WDR47: variants seen among roughly 807,000 people sequenced by gnomAD.
WDR47 encodes the protein WD repeat-containing protein 47.
WDR47 carries 32 observed loss-of-function variants against 97.2 expected under a neutral mutation model. That is an observed-to-expected ratio of 0.33 (90% CI 0.25 to 0.44). WDR47 has a LOEUF of 0.44. WDR47 is among the 20% of genes least tolerant of loss of function. The probability of loss-of-function intolerance (pLI) is 1.00; values close to 1 mark genes in which losing one functional copy is unlikely to be tolerated. For missense variants in WDR47, 782 were observed against 1,102.3 expected, an observed-to-expected ratio of 0.71 and a Z score of 4.11; for synonymous variants, 375 against 373.5, an observed-to-expected ratio of 1.00 and a Z score of -0.05.
Position 109,038,294 on chromosome 1 carries a change from A to G in WDR47, c.-10+3568T>C, listed in dbSNP as rs147067915. Among the ~76,000 whole-genome samples, 820 of 152,316 alleles carry G rather than the reference A, an allele frequency of 5.4e-3. 8 individuals carry two copies. The highest frequency in any genetic ancestry group is 7.1e-3 in the Non-Finnish European group (483 of 68,036). ...AGGACAATGTGTCAAAAGGACTGCT[A>G]ATGAATTGCTGCGGGAGAGCTACTG... On this transcript the variant is annotated intron_variant, in intron 1 of 14. Transcript: ENST00000369962.
intron 5 of WDR47, among the ~76,000 whole-genome samples, chr1:109,009,965 T>A (rs1239104571): frequency 6.6e-6 from 1 of 151,468 alleles, no homozygotes; most frequent in Non-Finnish European, 1.5e-5. Flanking sequence ...GCCACTGCAC[T>A]CCAGCCTGAG....
Position 109,039,131 on chromosome 1 carries a change from G to T in WDR47, c.-10+2731C>A, listed in dbSNP as rs1341619220. Among the ~76,000 whole-genome samples the T allele has an allele frequency of 2.6e-5, 4 of 152,320 alleles. No homozygotes were observed. In the East Asian group the frequency reaches 7.7e-4, roughly 29 times the overall value. The stretch of plus-strand genomic sequence containing the variant: ...CAGGAGAAGTTCAGGTGGGTAATGA[G>T]TGATGAGCATTTACTATGTATTAAC... On this transcript the variant is annotated intron_variant, in intron 1 of 14. Transcript: ENST00000369962.
chr1:109,004,837 C>G, intron 5 of WDR47, 122 bp from the exon 6 acceptor site: 4 of 1,236,672 alleles, frequency 3.2e-6, no homozygotes, highest in Non-Finnish European at 4.2e-6. Context: ...TCTCTGTAGC[C>G]CCGACTGGAG....
chr1:109,040,927 G>A (rs1224242792), intron 1 of WDR47, among the ~76,000 whole-genome samples: 1 of 151,196 alleles, frequency 6.6e-6, no homozygotes, highest in Non-Finnish European at 1.5e-5. Context: ...AACAAAGAGA[G>A]AAATAAGTAT....
chr1:109,005,966 G>T (rs1660579510), intron 5 of WDR47, among the ~76,000 whole-genome samples: 1 of 152,102 alleles, frequency 6.6e-6, no homozygotes, highest in Admixed American at 6.6e-5. Flanking sequence ...ATAGGCTGAT[G>T]AATACAAATA....
chr1:109,004,732 G>T lies in WDR47; in HGVS notation c.1131-17C>A. 1 of 1,563,880 alleles carries T rather than the reference G, an allele frequency of 6.4e-7. No homozygotes were observed. Among genetic ancestry groups the T allele is most frequent in the Non-Finnish European group, 8.6e-7 (1 of 1,159,976 alleles). ...GGTGTATCACTTCTTCCAGAAACGT[G>T]CAAAAAAACAAAAAGGCAGAGGGGG... is the stretch of plus-strand genomic sequence containing the variant. On this transcript the variant is annotated splice_polypyrimidine_tract_variant and intron_variant, in intron 5 of 14. Transcript: ENST00000369962.
intron 10 of WDR47, among the ~76,000 whole-genome samples, chr1:108,983,748 CAAA>C (rs1050288796): frequency 1.4e-5 from 2 of 144,576 alleles, no homozygotes; most frequent in African/African-American, 5.1e-5. Flanking sequence ...AACTCAGAAA[CAAA>C]AAAAATTAAA....
Position 108,986,609 on chromosome 1 carries a change from A to G in WDR47, c.1839T>C (p.Ala613=). ...LEDTQAVRAV[A]FHPAGGLYAV... Reference sequence around the variant, plus strand: ...CATATAAACCTCCAGCTGGATGAAAAGCCACTGCTCTAACAGCTTGTGTGT... The same window carrying G: ...CATATAAACCTCCAGCTGGATGAAAGGCCACTGCTCTAACAGCTTGTGTGT... Residue 613 remains alanine (A), a synonymous_variant, in exon 10 of 15, where the codon GCT becomes GCC. Transcript: ENST00000369962. 1 of 1,613,728 alleles carries G rather than the reference A, an allele frequency of 6.2e-7. No homozygotes were observed. Among genetic ancestry groups the G allele is most frequent in the East Asian group, 2.2e-5 (1 of 44,832 alleles).
chr1:108,979,172 A>C (rs1332583266), intron 13 of WDR47, among the ~76,000 whole-genome samples: 4 of 152,212 alleles, frequency 2.6e-5, no homozygotes. Flanking sequence ...GCCTGAAAAT[A>C]ATGTAGAAAG....
At chr1:109,017,301 G>A (rs575949244) in intron 3 of WDR47, among the ~76,000 whole-genome samples, 58 of 152,270 alleles carry the variant, frequency 3.8e-4, no homozygotes, top group African/African-American at 1.3e-3. Flanking sequence ...TACTTGAGAG[G>A]CTGAAGTGGG....
chr1:108,990,581 C>G (rs1349740562), intron 9 of WDR47, among the ~76,000 whole-genome samples: 1 of 152,056 alleles, frequency 6.6e-6, no homozygotes. Context: ...GACAAATATT[C>G]CTTTGTGCTT....
Position 108,971,788 on chromosome 1 carries a change from CCT to C in WDR47, c.2618-218_2618-217del, listed in dbSNP as rs139269353. On this transcript the variant is annotated intron_variant, in intron 14 of 14. Transcript: ENST00000369962. ...CCATACAGCAACATTTGACAAGTTGCCTCTCTCTCTCTCTCGGAAATTCTCTC... is the reference window on the plus strand; with the variant it reads ...CCATACAGCAACATTTGACAAGTTGCCTCTCTCTCTCTCGGAAATTCTCTC... Among the ~76,000 whole-genome samples, 6 of 148,444 alleles carry C rather than the reference CCT, an allele frequency of 4.0e-5. No individual in the cohort carries two copies. In the East Asian group the frequency reaches 7.9e-4, roughly 20 times the overall value.
intron 8 of WDR47, among the ~76,000 whole-genome samples, chr1:108,993,479 AAAAT>A (rs200221108): frequency 0.036 from 5,421 of 152,290 alleles, 330 homozygotes; most frequent in African/African-American, 0.12. Flanking sequence ...AAAAAGGTGA[AAAAT>A]AAAGCAAACA....
chr1:108,983,052 T>C (rs1310759321), intron 11 of WDR47, among the ~76,000 whole-genome samples: 1 of 152,196 alleles, frequency 6.6e-6, no homozygotes, highest in Non-Finnish European at 1.5e-5. Flanking sequence ...TTAAAGGCTA[T>C]TTTTCTAATA....
intron 12 of WDR47, 94 bp downstream of exon 12, chr1:108,982,515 A>G: frequency 6.9e-7 from 1 of 1,443,416 alleles, no homozygotes; most frequent in Non-Finnish European, 9.3e-7. Flanking sequence ...CAGTAAGAGC[A>G]AGACCCTGTC....
chr1:109,028,102 A>C (rs1327217105), intron 1 of WDR47, among the ~76,000 whole-genome samples: 1 of 152,202 alleles, frequency 6.6e-6, no homozygotes. Context: ...GTGTTCAATA[A>C]ATAAATATTA....
intron 10 of WDR47, among the ~76,000 whole-genome samples, chr1:108,985,837 T>C (rs1658746323): frequency 6.6e-6 from 1 of 152,124 alleles, no homozygotes; most frequent in South Asian, 2.1e-4. Flanking sequence ...TCTTAAGTAT[T>C]TCGACTTAAA....
intron 1 of WDR47, among the ~76,000 whole-genome samples, chr1:109,026,091 G>C (rs886772247): frequency 6.6e-6 from 1 of 151,710 alleles, no homozygotes. Flanking sequence ...CTGTCACCTA[G>C]GTTAGAGTGC....
chr1:109,030,381 A>AAAAAT (rs906873783), intron 1 of WDR47: 202 of 458,370 alleles, frequency 4.4e-4, no homozygotes, highest in African/African-American at 3.7e-3. Context: ...GATAAAAATA[A>AAAAAT]AAAATAAAAT....
Sources: allele counts gnomAD v4.1 joint callset (sites outside exome capture counted in the v4.1 genomes callset), GRCh38; gene constraint gnomAD v4.1.1; transcripts MANE v1.5; gene names NCBI Gene and HGNC (gene_info 2026-07-23, HGNC 2026-07-21).